KIF1A: variants seen among roughly 807,000 people sequenced by gnomAD.
KIF1A encodes the protein kinesin-like protein KIF1A.
A neutral mutation model predicts 227.3 loss-of-function variants in KIF1A; 46 were observed. That is an observed-to-expected ratio of 0.20 (90% CI 0.16 to 0.26). The LOEUF is 0.26. Among genes scored for constraint, KIF1A ranks in the 10% least tolerant of loss-of-function variants. The pLI is 1.00. For synonymous variants in KIF1A, 1,022 were observed against 1,012.8 expected (o/e 1.01, Z -0.17); for missense variants, 1,683 against 2,485.9 (o/e 0.68, Z 6.87).
At position 240,718,094 on chromosome 2, in the gene KIF1A, A is replaced by G. The variant is rs768316049; in HGVS notation, c.5289T>C (p.His1763=). The change falls in exon 48 of 49, where the codon CAT becomes CAC. Residue 1763 remains histidine (H), a synonymous_variant. Coordinates refer to ENST00000498729, the MANE Select transcript of KIF1A (RefSeq NM_001244008.2). ...LLQAASDKDM[H]DWLYAFNPLL... Reference sequence around the variant, plus strand: ...GGGGGTTGAAGGCGTACAGCCAGTCATGCATGTCCTTGTCGCTGGCGGCCT... The same window carrying G: ...GGGGGTTGAAGGCGTACAGCCAGTCGTGCATGTCCTTGTCGCTGGCGGCCT... 2.9e-5 allele frequency: 46 copies of G among 1,611,804 alleles called. No homozygotes were observed. The highest frequency in any genetic ancestry group is 8.4e-5 in the Admixed American group (5 of 59,844).
At chr2:240,721,082 T>C in intron 44 of KIF1A, 44 bp from the exon 45 acceptor site, 1 of 1,604,116 alleles carries the variant, frequency 6.2e-7, no homozygotes. Context: ...GGAAGGGGGG[T>C]CTCCGGCCTC....
rs201970806 is a variant in KIF1A at position 240,784,995 on chromosome 2, C to T, written c.714G>A (p.Thr238=). Residue 238 remains threonine, a synonymous_variant, in exon 7 of 49, where the codon ACG becomes ACA. Coordinates refer to ENST00000498729, the MANE Select transcript of KIF1A (RefSeq NM_001244008.2). ...KRHDAETNIT[T]EKVSKISLVD... is the part of the protein sequence containing the mutation. ...TGTGAGGCCACTCACTCACCTTCTC[C>T]GTGGTGATATTGGTCTCTGCGTCAT... is the stretch of plus-strand genomic sequence containing the variant. The T allele has an allele frequency of 7.3e-5, 117 of 1,612,360 alleles. 1 individual carries two copies. The East Asian group carries it at 1.4e-3, about 19-fold the overall frequency.
chr2:240,781,393 CCA>C (rs1254425896), intron 10 of KIF1A, among the ~76,000 whole-genome samples: 1 of 36,398 alleles, frequency 2.7e-5, no homozygotes. Flanking sequence ...ACACACAGCT[CCA>C]CACACACACA....
intron 1 of KIF1A, among the ~76,000 whole-genome samples, chr2:240,810,565 T>C (rs2057788690): frequency 6.6e-6 from 1 of 152,164 alleles, no homozygotes; most frequent in African/African-American, 2.4e-5. Context: ...GTAGAGATGC[T>C]ATACATATTC....
rs1428425336 is a variant in KIF1A, at chr2:240,771,121, A to C, written c.1208-17T>G. The C allele has an allele frequency of 6.2e-7, 1 of 1,613,254 alleles. No homozygotes were observed. Among genetic ancestry groups the C allele is most frequent in the South Asian group, 1.1e-5 (1 of 91,026 alleles). On this transcript the variant is annotated splice_polypyrimidine_tract_variant and intron_variant, in intron 14 of 48. Coordinates refer to ENST00000498729, the MANE Select transcript of KIF1A (RefSeq NM_001244008.2). Reference sequence around the variant, plus strand: ...CATTGGTCACTGTGGAGAGAGGGTCAGGGGCTTCATTCACCGTCCCGCCAC... The same window carrying C: ...CATTGGTCACTGTGGAGAGAGGGTCCGGGGCTTCATTCACCGTCCCGCCAC...
chr2:240,787,354 G>A lies in KIF1A; in HGVS notation c.364-38C>T, dbSNP rs765550310. ...GGGGACAGTCAGCCAGGGAGGGCTGGGGCTGCTCCCTGGATCCCTGCCCCT... is the reference window on the plus strand; with the variant it reads ...GGGGACAGTCAGCCAGGGAGGGCTGAGGCTGCTCCCTGGATCCCTGCCCCT... On this transcript the variant is annotated intron_variant, in intron 4 of 48. Transcript: ENST00000498729. 2.4e-5 allele frequency: 37 copies of A among 1,572,178 alleles called. 2 individuals are homozygous for A. Among genetic ancestry groups the A allele is most frequent in the Middle Eastern group, 3.3e-4 (2 of 5,974 alleles).
rs911088285 is a variant in KIF1A at position 240,740,937 on chromosome 2, C to G, written c.3749+332G>C. Among the ~76,000 whole-genome samples the G allele has an allele frequency of 5.3e-5, 8 of 151,976 alleles. No homozygotes were observed. Among genetic ancestry groups the G allele is most frequent in the Non-Finnish European group, 1.0e-4 (7 of 67,954 alleles). ...CCCCTCCCACCTCCCTCAAAAGTCC[C>G]TTGATCACTTTGTAAGTGCTGTCTG... On this transcript the variant is annotated intron_variant, in intron 35 of 48. Coordinates refer to ENST00000498729, the MANE Select transcript of KIF1A (RefSeq NM_001244008.2). The surrounding 1 kb of genome is among the most constrained non-coding windows in gnomAD (Gnocchi z 6.1).
chr2:240,780,913 C>A (rs2053689391), intron 10 of KIF1A, among the ~76,000 whole-genome samples: 1 of 103,258 alleles, frequency 9.7e-6, no homozygotes, highest in Non-Finnish European at 2.0e-5. Context: ...TCCACACACA[C>A]ACACACACAG....
At chr2:240,774,094 T>A in intron 12 of KIF1A, 89 bp downstream of exon 12, 1 of 799,302 alleles carries the variant, frequency 1.3e-6, no homozygotes. Flanking sequence ...TCGCCCCTGG[T>A]CACTGGTGCT....
rs541301149 is a variant in KIF1A, at chr2:240,720,393, C to T, written c.4869-467G>A. ...TCGACCTGGTGGTCAAGGAGGCCTG[C>T]AGAAGACAAGGCCAGCTGATGCCAC... On this transcript the variant is annotated intron_variant, in intron 45 of 48. Transcript: ENST00000498729. The T allele has an allele frequency of 1.1e-4, 18 of 160,692 alleles. No homozygotes were observed. In the South Asian group the frequency reaches 3.5e-3, roughly 31 times the overall value. 10.0% of individuals were successfully genotyped at this position (160,692 alleles called of 1,614,324 possible). A position where few individuals can be genotyped will look rare whatever the true frequency, so the allele number is the denominator to read the frequency against.
intron 6 of KIF1A, among the ~76,000 whole-genome samples, chr2:240,785,716 C>T (rs1027032128): frequency 7.9e-5 from 12 of 152,222 alleles, no homozygotes; most frequent in Non-Finnish European, 1.6e-4. Flanking sequence ...CGCTGTGGGC[C>T]TCATCAGGAA....
intron 1 of KIF1A, among the ~76,000 whole-genome samples, chr2:240,807,778 A>G (rs1465127025): frequency 6.6e-6 from 1 of 152,240 alleles, no homozygotes; most frequent in Non-Finnish European, 1.5e-5. Flanking sequence ...AAAGTCTGAA[A>G]AATTAGCAAG....
chr2:240,769,323 C>G, intron 16 of KIF1A, 115 bp from the exon 17 acceptor site: 1 of 830,996 alleles, frequency 1.2e-6, no homozygotes. Flanking sequence ...TGGGTGGTGC[C>G]CATGCGTGTC....
At chr2:240,754,034 G>A (rs896061498) in intron 27 of KIF1A, among the ~76,000 whole-genome samples, 6 of 152,200 alleles carry the variant, frequency 3.9e-5, no homozygotes, top group South Asian at 2.1e-4. Context: ...TAAGCAGATC[G>A]ATTGTTTCAT....
intron 1 of KIF1A, among the ~76,000 whole-genome samples, chr2:240,818,216 C>A (rs1034749615): frequency 6.6e-6 from 1 of 152,154 alleles, no homozygotes; most frequent in Non-Finnish European, 1.5e-5. Context: ...GGGGAGGACA[C>A]CTGCAGGGCC....
In KIF1A at chr2:240,717,413, A is replaced by G. The variant is rs1001759107; in HGVS notation, c.5334-7T>C. On this transcript the variant is annotated splice_polypyrimidine_tract_variant and splice_region_variant and intron_variant, in intron 48 of 48. Coordinates refer to ENST00000498729, the MANE Select transcript of KIF1A (RefSeq NM_001244008.2). ...CCTTCTGGAGAGCTTGGACCTGCAG[A>G]AGAGTTGGGAGAGGCGGCGTGGTCA... is the stretch of plus-strand genomic sequence containing the variant. 1 of 1,610,918 alleles carries G rather than the reference A, an allele frequency of 6.2e-7. No individual in the cohort carries two copies. Among genetic ancestry groups the G allele is most frequent in the Non-Finnish European group, 8.5e-7 (1 of 1,179,398 alleles).
rs936486896 is a variant in KIF1A at position 240,766,013 on chromosome 2, G to T, written c.1685-220C>A. On this transcript the variant is annotated intron_variant, in intron 19 of 48. Coordinates refer to ENST00000498729, the MANE Select transcript of KIF1A (RefSeq NM_001244008.2). The surrounding 1 kb of genome is among the most constrained non-coding windows in gnomAD (Gnocchi z 5.0). ...GGAAGAAAGTGACCCCCAGAAGGAG[G>T]ATGCATGTGCCCACGTTGAAGCCAA... Among the ~76,000 whole-genome samples, 7 of 152,246 alleles carry T rather than the reference G, an allele frequency of 4.6e-5. No homozygotes were observed. Among genetic ancestry groups the T allele is most frequent in the Admixed American group, 2.0e-4 (3 of 15,290 alleles).
chr2:240,742,876 C>G, intron 34 of KIF1A, 53 bp downstream of exon 34: 1 of 1,505,046 alleles, frequency 6.6e-7, no homozygotes, highest in Non-Finnish European at 9.1e-7. Flanking sequence ...CACTACAGCA[C>G]CCACAGTGAG....
chr2:240,770,035 A>G (rs1196199855), intron 15 of KIF1A, among the ~76,000 whole-genome samples: 1 of 152,178 alleles, frequency 6.6e-6, no homozygotes, highest in Non-Finnish European at 1.5e-5. Context: ...TCTTCAGGAC[A>G]TGGACGACAC....
Sources: allele counts gnomAD v4.1 joint callset (sites outside exome capture counted in the v4.1 genomes callset), GRCh38; gene constraint gnomAD v4.1.1; non-coding constraint Gnocchi (gnomAD v3.1); transcripts MANE v1.5; gene names NCBI Gene and HGNC (gene_info 2026-07-23, HGNC 2026-07-21).